CFDP1: variants seen among roughly 807,000 people sequenced by gnomAD.
CFDP1 encodes chromatin remodeling protein CFDP1.
CFDP1 carries 31 observed loss-of-function variants against 40.1 expected under a neutral mutation model. The ratio of observed to expected loss-of-function variants is 0.77; its 90% CI spans 0.58 to 1.04. The LOEUF (loss-of-function observed/expected upper bound fraction) is 1.04. CFDP1 is among the 50% of genes least tolerant of loss of function. CFDP1 has a pLI of 0.00. For synonymous variants in CFDP1, 167 were observed against 120.0 expected (o/e 1.39, Z -2.56); for missense variants, 423 against 343.4 (o/e 1.23, Z -1.83).
intron 5 of CFDP1, among the ~76,000 whole-genome samples, chr16:75,360,033 T>A (rs748655675): frequency 6.6e-6 from 1 of 152,034 alleles, no homozygotes; most frequent in Admixed American, 6.6e-5. Context: ...GCCTTCCCAA[T>A]AGCTAGGACT....
intron 5 of CFDP1, among the ~76,000 whole-genome samples, chr16:75,353,786 G>A (rs1358796658): frequency 3.4e-5 from 5 of 146,780 alleles, no homozygotes; most frequent in African/African-American, 1.2e-4. Flanking sequence ...AGTCATTAAT[G>A]GTTAATTACT....
In CFDP1 at chr16:75,411,778, C is replaced by T. The variant is rs754211918; in HGVS notation, c.530+47G>A. 34 of 1,573,556 alleles carry T rather than the reference C, an allele frequency of 2.2e-5. No individual in the cohort carries two copies. The South Asian group carries it at 2.5e-4, about 12-fold the overall frequency. ...GGCTAACACCAGTTAGAGAGAGACG[C>T]TCATTTTTGAAAATGCTAGTTTCAA... On this transcript the variant is annotated intron_variant, in intron 4 of 6. Transcript: ENST00000283882.
intron 5 of CFDP1, among the ~76,000 whole-genome samples, chr16:75,373,246 T>C (rs138126409): frequency 6.6e-6 from 1 of 152,352 alleles, no homozygotes; most frequent in African/African-American, 2.4e-5. Flanking sequence ...TTTCAACACT[T>C]ACACACACAG....
rs542037913 is a variant in CFDP1, at chr16:75,365,710, C to CA, written c.650+29379dup. Among the ~76,000 whole-genome samples, 15 of 151,796 alleles carry CA rather than the reference C, an allele frequency of 9.9e-5. No homozygotes were observed. The South Asian group carries it at 2.9e-3, about 30-fold the overall frequency. ...TGGGCAATACAGTGAAACCCTGTCT[C>CA]AAAAAAACAAACAAAAAACCAAAGA... On this transcript the variant is annotated intron_variant, in intron 5 of 6. Transcript: ENST00000283882.
chr16:75,350,854 T>C (rs1388832164), intron 5 of CFDP1, among the ~76,000 whole-genome samples: 2 of 152,146 alleles, frequency 1.3e-5, no homozygotes, highest in African/African-American at 4.8e-5. Context: ...AAAATTTAAA[T>C]GGGAACAAAA....
chr16:75,395,357 C>T, intron 4 of CFDP1, 148 bp from the exon 5 acceptor site: 1 of 820,542 alleles, frequency 1.2e-6, no homozygotes. Flanking sequence ...TTTACTATAA[C>T]TTTCAATAAA....
rs188072538 is a variant in CFDP1, at chr16:75,418,605, G to A, written c.65-3910C>T. On this transcript the variant is annotated intron_variant, in intron 1 of 6. Coordinates refer to ENST00000283882, the MANE Select transcript of CFDP1 (RefSeq NM_006324.3). ...ATTACAGGCGTGAGCCAACGCGCCCGGCTAACCCTTTTTAAGTATTTCCTA... is the reference window on the plus strand; with the variant it reads ...ATTACAGGCGTGAGCCAACGCGCCCAGCTAACCCTTTTTAAGTATTTCCTA... Among the ~76,000 whole-genome samples, 553 of 151,982 alleles carry A rather than the reference G, an allele frequency of 3.6e-3. 6 individuals carry two copies. The highest frequency in any genetic ancestry group is 0.012 in the African/African-American group (495 of 41,468).
At chr16:75,334,239 C>A (rs2078469150) in intron 5 of CFDP1, among the ~76,000 whole-genome samples, 1 of 151,956 alleles carries the variant, frequency 6.6e-6, no homozygotes, top group Non-Finnish European at 1.5e-5. Flanking sequence ...AACCCTAACC[C>A]TGCAGCTAAG....
At chr16:75,322,549 C>G (rs1306928910) in intron 5 of CFDP1, among the ~76,000 whole-genome samples, 1 of 152,064 alleles carries the variant, frequency 6.6e-6, no homozygotes, top group African/African-American at 2.4e-5. Flanking sequence ...GCAACTGTAA[C>G]AGAATGGTAA....
intron 1 of CFDP1, among the ~76,000 whole-genome samples, chr16:75,418,183 GC>G (rs1329520105): frequency 6.8e-6 from 1 of 147,390 alleles, no homozygotes; most frequent in African/African-American, 2.5e-5. Context: ...AACCTGGGGG[GC>G]GGAGGTTGCG....
chr16:75,336,262 G>A (rs150264368), intron 5 of CFDP1, among the ~76,000 whole-genome samples: 339 of 152,312 alleles, frequency 2.2e-3, no homozygotes, highest in African/African-American at 7.7e-3. Flanking sequence ...GGTGCAGATA[G>A]GTAGCACAGG....
chr16:75,378,712 AG>A (rs2078824868), intron 5 of CFDP1, among the ~76,000 whole-genome samples: 1 of 152,176 alleles, frequency 6.6e-6, no homozygotes, highest in Non-Finnish European at 1.5e-5. Flanking sequence ...AAGGGGTAGT[AG>A]TTAGAGTTTA....
chr16:75,369,080 G>A (rs180873156), intron 5 of CFDP1, among the ~76,000 whole-genome samples: 36 of 152,194 alleles, frequency 2.4e-4, no homozygotes, highest in Middle Eastern at 3.4e-3. Context: ...TCAAGGTTTG[G>A]TTAAAAATAG....
At chr16:75,385,524 C>T (rs931525037) in intron 5 of CFDP1, among the ~76,000 whole-genome samples, 1 of 145,506 alleles carries the variant, frequency 6.9e-6, no homozygotes, top group Non-Finnish European at 1.5e-5. Context: ...TCTTTCTAAG[C>T]ACAATAGTAG....
At chr16:75,318,572 A>AT (rs1444197979) in intron 5 of CFDP1, among the ~76,000 whole-genome samples, 13 of 151,788 alleles carry the variant, frequency 8.6e-5, no homozygotes, top group South Asian at 2.1e-4. Flanking sequence ...TGCCTAGCTA[A>AT]TTTTTGTATT....
At chr16:75,303,497 A>T (rs2078237008) in intron 6 of CFDP1, among the ~76,000 whole-genome samples, 1 of 87,528 alleles carries the variant, frequency 1.1e-5, no homozygotes, top group African/African-American at 3.8e-5. Context: ...CTAATTTAGA[A>T]ATATGACCCC....
chr16:75,427,881 A>C (rs758443199), intron 1 of CFDP1, among the ~76,000 whole-genome samples: 2 of 152,266 alleles, frequency 1.3e-5, no homozygotes, highest in Non-Finnish European at 2.9e-5. Context: ...GTATATCCAT[A>C]TAATGGACTA....
chr16:75,301,882 A>T (rs571369355), intron 6 of CFDP1: 1 of 152,350 alleles, frequency 6.6e-6, no homozygotes, highest in Admixed American at 6.5e-5. Flanking sequence ...TCACTGGCCT[A>T]GGGGCTGGGC....
At chr16:75,405,302 C>T (rs2079088500) in intron 4 of CFDP1, among the ~76,000 whole-genome samples, 1 of 152,138 alleles carries the variant, frequency 6.6e-6, no homozygotes, top group Non-Finnish European at 1.5e-5. Flanking sequence ...TTTTTACAAT[C>T]ATTTTAATTG....
Sources: gnomAD v4.1 joint callset for allele counts (sites outside exome capture counted in the v4.1 genomes callset) on GRCh38, gnomAD v4.1.1 for gene constraint, MANE v1.5 for transcripts, NCBI Gene and HGNC (gene_info 2026-07-23, HGNC 2026-07-21) for gene names.